PTTG1IP: variants seen among roughly 807,000 people sequenced by gnomAD.
PTTG1IP encodes the protein pituitary tumor-transforming gene 1 protein-interacting protein.
A neutral mutation model predicts 24.4 loss-of-function variants in PTTG1IP; 16 were observed. The observed-to-expected ratio is 0.66, with a 90% CI of 0.44 to 1.00. The LOEUF (loss-of-function observed/expected upper bound fraction) is 1.00, where lower values mean the gene tolerates loss of function less well. PTTG1IP is among the 50% of genes least tolerant of loss of function. The pLI, the probability that PTTG1IP is intolerant of heterozygous loss-of-function variation, is 0.00. For synonymous variants in PTTG1IP, 89 were observed against 96.8 expected, an observed-to-expected ratio of 0.92 and a Z score of 0.47; for missense variants, 241 against 245.8, an observed-to-expected ratio of 0.98 and a Z score of 0.13.
intron 1 of PTTG1IP, among the ~76,000 whole-genome samples, chr21:44,867,467 G>A (rs1281950827): frequency 6.6e-6 from 1 of 152,218 alleles, no homozygotes; most frequent in Admixed American, 6.5e-5. Context: ...TCCAGATCGA[G>A]GGTCTGTCTC....
chr21:44,858,312 T>A (rs1463071429), intron 3 of PTTG1IP, among the ~76,000 whole-genome samples: 1 of 152,202 alleles, frequency 6.6e-6, no homozygotes, highest in African/African-American at 2.4e-5. Flanking sequence ...GGACCTGTGG[T>A]GCAAGACCTA....
At position 44,873,677 on chromosome 21, in the gene PTTG1IP, T is replaced by C. The variant is rs1165336062; in HGVS notation, c.-61A>G. The C allele has an allele frequency of 9.2e-6, 12 of 1,297,934 alleles. No individual in the cohort carries two copies. The highest frequency in any genetic ancestry group is 1.1e-5 in the Non-Finnish European group (11 of 1,019,336). The allele number at this position is 1,297,934 out of a possible 1,614,324, so 80.4% of individuals were successfully genotyped here. ...ACAACTCCGACTCCAGCACAAGCGG[T>C]CTCCGCCCGGAACAGCCGCGGCGCC... On this transcript the variant is annotated 5_prime_UTR_variant, in exon 1 of 6. Transcript: ENST00000330938.
chr21:44,856,998 T>C (rs2083454871), intron 3 of PTTG1IP, among the ~76,000 whole-genome samples: 1 of 152,238 alleles, frequency 6.6e-6, no homozygotes, highest in South Asian at 2.1e-4. Context: ...AACCCTGTTA[T>C]GATTTCCTTA....
At chr21:44,873,474 G>A in intron 1 of PTTG1IP, 28 bp downstream of exon 1, 2 of 1,350,264 alleles carry the variant, frequency 1.5e-6, no homozygotes. Context: ...CGCCCCCTTC[G>A]CGGCCCCGCC....
chr21:44,867,491 T>G (rs1056818107), intron 1 of PTTG1IP, among the ~76,000 whole-genome samples: 3 of 152,200 alleles, frequency 2.0e-5, no homozygotes, highest in Non-Finnish European at 4.4e-5. Flanking sequence ...CGCGGCTATG[T>G]GGGTGTAACT....
intron 3 of PTTG1IP, among the ~76,000 whole-genome samples, chr21:44,859,467 T>C (rs577377065): frequency 3.3e-4 from 49 of 150,588 alleles, no homozygotes; most frequent in Middle Eastern, 3.4e-3. Flanking sequence ...GGCTATAAAC[T>C]GCGGTCCATG....
intron 3 of PTTG1IP, among the ~76,000 whole-genome samples, chr21:44,857,824 T>A (rs1483822072): frequency 6.6e-6 from 1 of 152,252 alleles, no homozygotes; most frequent in Non-Finnish European, 1.5e-5. Flanking sequence ...GAGCTTTTAA[T>A]CCTGTGTTTT....
At chr21:44,866,704 C>G (rs1017096246) in intron 1 of PTTG1IP, among the ~76,000 whole-genome samples, 1 of 151,642 alleles carries the variant, frequency 6.6e-6, no homozygotes, top group Non-Finnish European at 1.5e-5. Flanking sequence ...CACACACACA[C>G]AAACACAGTG....
In PTTG1IP at chr21:44,855,342, G is replaced by C. The variant is rs2083441342; in HGVS notation, c.450-86C>G. 5.7e-6 allele frequency: 8 copies of C among 1,413,934 alleles called. No homozygotes were observed. In the East Asian group the frequency reaches 1.1e-4, roughly 20 times the overall value. 87.6% of individuals were successfully genotyped at this position (1,413,934 alleles called of 1,614,324 possible). Reference sequence around the variant, plus strand: ...ACACGCCCTTCCGTGTCCCTCAGTGGGGGCGCCAGGTTTCTTCTGGTGGCT... The same window carrying C: ...ACACGCCCTTCCGTGTCCCTCAGTGCGGGCGCCAGGTTTCTTCTGGTGGCT... On this transcript the variant is annotated intron_variant, in intron 4 of 5. Transcript: ENST00000330938.
chr21:44,854,211 C>A (rs1450907971), intron 5 of PTTG1IP, among the ~76,000 whole-genome samples: 1 of 152,146 alleles, frequency 6.6e-6, no homozygotes, highest in Non-Finnish European at 1.5e-5. Context: ...GTGGGTGGGA[C>A]CCTAAAATAC....
At chr21:44,860,906 C>G (rs1339568247) in intron 3 of PTTG1IP, among the ~76,000 whole-genome samples, 1 of 152,132 alleles carries the variant, frequency 6.6e-6, no homozygotes, top group African/African-American at 2.4e-5. Flanking sequence ...CGGGTTCAAG[C>G]AATTCTCCTG....
At chr21:44,865,059 C>T (rs535061851) in intron 2 of PTTG1IP, among the ~76,000 whole-genome samples, 1 of 152,186 alleles carries the variant, frequency 6.6e-6, no homozygotes, top group Non-Finnish European at 1.5e-5. Flanking sequence ...TGGGAAAACA[C>T]GGGCTCACAA....
chr21:44,853,172 G>A (rs1015038157), intron 5 of PTTG1IP, among the ~76,000 whole-genome samples: 9 of 151,998 alleles, frequency 5.9e-5, no homozygotes, highest in African/African-American at 1.9e-4. Flanking sequence ...GCGTGTGTGC[G>A]CGTGTGCGTG....
chr21:44,853,130 T>A (rs112882994), intron 5 of PTTG1IP, among the ~76,000 whole-genome samples: 1 of 152,172 alleles, frequency 6.6e-6, no homozygotes, highest in African/African-American at 2.4e-5. Context: ...ACACAGCTTG[T>A]GCTTGGTGAT....
chr21:44,854,930 C>T (rs1398046541), intron 5 of PTTG1IP, among the ~76,000 whole-genome samples: 1 of 152,238 alleles, frequency 6.6e-6, no homozygotes, highest in Non-Finnish European at 1.5e-5. Flanking sequence ...AGAACAGCTG[C>T]AGACTTCCAG....
chr21:44,860,595 G>A (rs1397472002), intron 3 of PTTG1IP, among the ~76,000 whole-genome samples: 1 of 152,120 alleles, frequency 6.6e-6, no homozygotes, highest in Non-Finnish European at 1.5e-5. Flanking sequence ...CAAACACGTT[G>A]CCTTCAAACT....
intron 1 of PTTG1IP, among the ~76,000 whole-genome samples, chr21:44,869,719 C>T (rs1318614953): frequency 6.6e-6 from 1 of 152,212 alleles, no homozygotes. Context: ...GCATCCAGGA[C>T]TTCACTGCAC....
At chr21:44,864,922 G>A (rs1260091979) in intron 2 of PTTG1IP, among the ~76,000 whole-genome samples, 2 of 152,194 alleles carry the variant, frequency 1.3e-5, no homozygotes, top group East Asian at 1.9e-4. Flanking sequence ...CCCAGGTCAC[G>A]ACCAGAGAGT....
chr21:44,867,494 G>A (rs543273660), intron 1 of PTTG1IP, among the ~76,000 whole-genome samples: 1 of 152,210 alleles, frequency 6.6e-6, no homozygotes, highest in Non-Finnish European at 1.5e-5. Flanking sequence ...GGCTATGTGG[G>A]TGTAACTCAC....
Sources: allele counts gnomAD v4.1 joint callset (sites outside exome capture counted in the v4.1 genomes callset), GRCh38; gene constraint gnomAD v4.1.1; transcripts MANE v1.5; gene names NCBI Gene and HGNC (gene_info 2026-07-23, HGNC 2026-07-21).